The following MOGAT2 variants were observed in gnomAD, a reference collection of about 807,000 sequenced individuals.
The protein encoded by MOGAT2 is monoacylglycerol O-acyltransferase 2, also known as 2-acylglycerol O-acyltransferase 2.
Under a neutral mutation model 31.5 loss-of-function variants are expected in MOGAT2, and 27 were observed. The observed-to-expected ratio is 0.86, with a 90% CI of 0.63 to 1.18. The LOEUF is 1.18. Ranked by LOEUF, MOGAT2 falls within the 50% of genes most tolerant of loss-of-function variation. The pLI is 0.00. For missense variants in MOGAT2, 436 were observed against 433.2 expected (o/e 1.01, Z -0.06); for synonymous variants, 163 against 170.0 (o/e 0.96, Z 0.32).
rs757562087 is a variant in MOGAT2, at chr11:75,720,112, T to A, written c.212T>A (p.Ile71Asn). Reference sequence around the variant, plus strand: ...AAGCCACGGCAGGGGGGCCGGCACATCCAGGCCATCAGGTGCTGGACTATA... The same window carrying A: ...AAGCCACGGCAGGGGGGCCGGCACAACCAGGCCATCAGGTGCTGGACTATA... ...RDKPRQGGRH[I>N]QAIRCWTIWK... The change falls in exon 2 of 6, where the codon ATC becomes AAC. Residue 71 changes from isoleucine to asparagine, a missense_variant. Transcript: ENST00000198801. The A allele has an allele frequency of 6.2e-7, 1 of 1,614,070 alleles. No individual in the cohort carries two copies. Among genetic ancestry groups the A allele is most frequent in the South Asian group, 1.1e-5 (1 of 91,060 alleles).
chr11:75,730,569 A>G (rs1944467220), intron 5 of MOGAT2, among the ~76,000 whole-genome samples: 2 of 152,202 alleles, frequency 1.3e-5, no homozygotes, highest in African/African-American at 4.8e-5. Context: ...CATAGGATAA[A>G]AGGGAGTATT....
chr11:75,722,881 T>G (rs554547249), intron 2 of MOGAT2, among the ~76,000 whole-genome samples: 60 of 152,380 alleles, frequency 3.9e-4, no homozygotes, highest in African/African-American at 1.4e-3. Flanking sequence ...TATCTCAACC[T>G]TAGTACTGTT....
chr11:75,730,928 A>G, intron 5 of MOGAT2: 7 of 223,238 alleles, frequency 3.1e-5, no homozygotes, highest in South Asian at 1.0e-4. Flanking sequence ...AAAAAAAAAA[A>G]AGAAAAGAAA....
At chr11:75,723,695 C>T (rs754918433) in intron 2 of MOGAT2, among the ~76,000 whole-genome samples, 1 of 152,190 alleles carries the variant, frequency 6.6e-6, no homozygotes, top group Non-Finnish European at 1.5e-5. Context: ...TATCCCACAC[C>T]TTTTAAATAT....
chr11:75,729,740 C>CTTTTTTTTTTTTTTTTTTTTTTTTTT lies in MOGAT2; in HGVS notation c.850+763_850+764insTTTTTTTTTTTTTTTTTTTTTTTTTT, dbSNP rs543037592. Among the ~76,000 whole-genome samples the CTTTTTTTTTTTTTTTTTTTTTTTTTT allele has an allele frequency of 3.3e-5, 4 of 121,402 alleles. 2 individuals carry two copies. Among genetic ancestry groups the CTTTTTTTTTTTTTTTTTTTTTTTTTT allele is most frequent in the Non-Finnish European group, 6.5e-5 (4 of 61,640 alleles). 79.6% of individuals were successfully genotyped at this position (121,402 alleles called of 152,430 possible). On this transcript the variant is annotated intron_variant, in intron 5 of 5. Coordinates refer to ENST00000198801, the MANE Select transcript of MOGAT2 (RefSeq NM_025098.4). ...AATGCCAGAGAAGGAGGGTTTAATT[C>CTTTTTTTTTTTTTTTTTTTTTTTTTT]TTTTTTTTTTTTGTTTTTTTTTGAG...
intron 5 of MOGAT2, among the ~76,000 whole-genome samples, chr11:75,730,100 C>T (rs1206002132): frequency 6.6e-6 from 1 of 152,148 alleles, no homozygotes; most frequent in African/African-American, 2.4e-5. Context: ...CATCCACTTG[C>T]TAATTGAGCA....
chr11:75,728,398 G>A (rs1194647960), intron 4 of MOGAT2: 2 of 637,196 alleles, frequency 3.1e-6, no homozygotes, highest in East Asian at 5.9e-5. Flanking sequence ...TGAGATCTGT[G>A]GTATCTAGAA....
At chr11:75,731,077 T>A in intron 5 of MOGAT2, 55 bp from the exon 6 acceptor site, 1 of 1,548,260 alleles carries the variant, frequency 6.5e-7, no homozygotes, top group Non-Finnish European at 8.8e-7. Flanking sequence ...GGTGGGCACC[T>A]GCACCGAGGG....
At position 75,728,888 on chromosome 11, in the gene MOGAT2, T is replaced by C. The variant is rs1944447032; in HGVS notation, c.749T>C (p.Leu250Ser). 6.2e-7 allele frequency: 1 copy of C among 1,614,100 alleles called. No homozygotes were observed. Among genetic ancestry groups the C allele is most frequent in the African/African-American group, 1.3e-5 (1 of 74,934 alleles). ...GSWLRYIQNR[L>S]QKIMGISLPL... is the part of the protein sequence containing the mutation. ...TGGTTACGCTATATCCAGAATCGGTTGCAGAAGATCATGGGCATCTCCCTC... is the reference window on the plus strand; with the variant it reads ...TGGTTACGCTATATCCAGAATCGGTCGCAGAAGATCATGGGCATCTCCCTC... Residue 250 changes from leucine (L) to serine (S), a missense_variant, in exon 5 of 6, where the codon TTG becomes TCG. Coordinates refer to ENST00000198801, the MANE Select transcript of MOGAT2 (RefSeq NM_025098.4).
intron 2 of MOGAT2, among the ~76,000 whole-genome samples, chr11:75,726,386 G>A (rs558950786): frequency 1.3e-4 from 20 of 152,200 alleles, no homozygotes; most frequent in African/African-American, 4.8e-4. Context: ...TTTTTGCCCC[G>A]AGACATCCAT....
rs1944398159 is a variant in MOGAT2 at position 75,723,957 on chromosome 11, T to A, written c.271-3478T>A. On this transcript the variant is annotated intron_variant, in intron 2 of 5. Coordinates refer to ENST00000198801, the MANE Select transcript of MOGAT2 (RefSeq NM_025098.4). ...AGGGAGGGAGACAGACCACAGCACT[T>A]CACAAACCTCCCCTCTTCTTTGTTT... Among the ~76,000 whole-genome samples the A allele has an allele frequency of 3.3e-5, 5 of 152,092 alleles. No homozygotes were observed. The South Asian group carries it at 1.0e-3, about 32-fold the overall frequency.
At chr11:75,729,753 G>T (rs11236505) in intron 5 of MOGAT2, among the ~76,000 whole-genome samples, 94,953 of 128,606 alleles carry the variant, frequency 0.74, 33,849 homozygotes, top group Middle Eastern at 0.76. Context: ...TTTTTTTTTT[G>T]TTTTTTTTTG....
chr11:75,718,105 C>T, intron 1 of MOGAT2, 126 bp downstream of exon 1: 1 of 989,382 alleles, frequency 1.0e-6, no homozygotes, highest in Non-Finnish European at 1.5e-6. Flanking sequence ...TTGTTGCGCT[C>T]AGAGCCCCTG....
intron 2 of MOGAT2, among the ~76,000 whole-genome samples, chr11:75,726,013 G>A (rs1262355620): frequency 6.6e-6 from 1 of 152,198 alleles, no homozygotes; most frequent in African/African-American, 2.4e-5. Context: ...TCAGCTGCTT[G>A]GCACAGCCCG....
chr11:75,728,854 T>A lies in MOGAT2; in HGVS notation c.715T>A (p.Ser239Thr). 6.2e-7 allele frequency: 1 copy of A among 1,614,222 alleles called. No homozygotes were observed. The highest frequency in any genetic ancestry group is 1.3e-5 in the African/African-American group (1 of 75,064). Reference sequence around the variant, plus strand: ...CCTATTTGACCAGATTCCCAACTCTTCTGGCTCCTGGTTACGCTATATCCA... The same window carrying A: ...CCTATTTGACCAGATTCCCAACTCTACTGGCTCCTGGTTACGCTATATCCA... ...NDLFDQIPNSSGSWLRYIQNR... is the reference protein window; with the variant it reads ...NDLFDQIPNSTGSWLRYIQNR... Residue 239 changes from serine (S) to threonine (T), a missense_variant, in exon 5 of 6, where the codon TCT (serine) becomes ACT (threonine). Ser to Thr is a moderately conservative substitution (Grantham distance 58). Coordinates refer to ENST00000198801, the MANE Select transcript of MOGAT2 (RefSeq NM_025098.4).
At chr11:75,724,337 G>A (rs151142427) in intron 2 of MOGAT2, among the ~76,000 whole-genome samples, 123 of 152,320 alleles carry the variant, frequency 8.1e-4, no homozygotes, top group Non-Finnish European at 3.1e-4. Flanking sequence ...TCACAGGGAT[G>A]TTGTGATAGA....
chr11:75,727,264 G>A (rs12283986), intron 2 of MOGAT2, among the ~76,000 whole-genome samples, 171 bp from the exon 3 acceptor site: 9,840 of 152,212 alleles, frequency 0.065, 1,030 homozygotes, highest in African/African-American at 0.22. Flanking sequence ...AATATCTCCA[G>A]GTGCTGTCAC....
At chr11:75,727,667 A>G in intron 3 of MOGAT2, 28 bp downstream of exon 3, 1 of 1,592,182 alleles carries the variant, frequency 6.3e-7, no homozygotes, top group Non-Finnish European at 8.6e-7. Flanking sequence ...TGAGCAGCTC[A>G]GGAAGGTAAC....
intron 5 of MOGAT2, 83 bp downstream of exon 5, chr11:75,729,072 A>G (rs897015971): frequency 9.7e-6 from 13 of 1,340,464 alleles, no homozygotes; most frequent in Non-Finnish European, 1.4e-5. Flanking sequence ...GAGATGAGCC[A>G]GATTTATTCC....
Sources: allele counts gnomAD v4.1 joint callset (sites outside exome capture counted in the v4.1 genomes callset), GRCh38; gene constraint gnomAD v4.1.1; transcripts MANE v1.5; gene names NCBI Gene and HGNC (gene_info 2026-07-23, HGNC 2026-07-21).